Variants in UIMC1 observed in about 807,000 individuals in gnomAD.
The protein encoded by UIMC1 is ubiquitin interaction motif containing 1, also known as BRCA1-A complex subunit RAP80.
In UIMC1, 42 loss-of-function variants were observed where a neutral mutation model predicts 84.9. The ratio of observed to expected loss-of-function variants is 0.49; its 90% CI spans 0.39 to 0.64. The LOEUF is 0.64. UIMC1 is among the 30% of genes least tolerant of loss of function. UIMC1 has a pLI of 0.00. For missense variants in UIMC1, 825 were observed against 847.6 expected, an observed-to-expected ratio of 0.97 and a Z score of 0.33; for synonymous variants, 281 against 293.0, an observed-to-expected ratio of 0.96 and a Z score of 0.42.
chr5:176,955,886 C>A, intron 8 of UIMC1, 73 bp downstream of exon 8: 1 of 1,445,842 alleles, frequency 6.9e-7, no homozygotes, highest in South Asian at 1.2e-5. Flanking sequence ...TTTGAAGAGT[C>A]AGAGGAAAAT....
chr5:176,982,418 G>A (rs1771193475), intron 2 of UIMC1, 51 bp downstream of exon 2: 3 of 1,575,272 alleles, frequency 1.9e-6, no homozygotes, highest in African/African-American at 2.7e-5. Context: ...CATGGGTAAA[G>A]AAGCATAGTT....
At chr5:176,984,881 T>C (rs1311380427) in intron 1 of UIMC1, among the ~76,000 whole-genome samples, 1 of 152,210 alleles carries the variant, frequency 6.6e-6, no homozygotes, top group Admixed American at 6.6e-5. Context: ...GTTAAAAAGA[T>C]GCTTGAAGGC....
At chr5:177,015,878 T>A (rs10059386) in intron 1 of UIMC1, among the ~76,000 whole-genome samples, 14,913 of 152,050 alleles carry the variant, frequency 0.098, 1,531 homozygotes, top group African/African-American at 0.26. Context: ...GAGACCAGTT[T>A]GGCCAACATG....
intron 8 of UIMC1, among the ~76,000 whole-genome samples, chr5:176,953,072 C>T (rs527702019): frequency 2.2e-4 from 33 of 152,104 alleles, no homozygotes; most frequent in Non-Finnish European, 4.0e-4. Context: ...TATAAGGGAC[C>T]CCAGAGAGCT....
chr5:177,021,646 A>C (rs1276167344), intron 1 of UIMC1, among the ~76,000 whole-genome samples: 2 of 151,942 alleles, frequency 1.3e-5, no homozygotes, highest in Non-Finnish European at 2.9e-5. Context: ...TGGTCGAAGT[A>C]AGGACTTTGG....
At chr5:176,978,456 A>G (rs1193838898) in intron 2 of UIMC1, among the ~76,000 whole-genome samples, 1 of 152,172 alleles carries the variant, frequency 6.6e-6, no homozygotes, top group African/African-American at 2.4e-5. Context: ...TAAAACAAAT[A>G]ATTCCTATAC....
At chr5:176,936,062 T>C (rs954584305) in intron 10 of UIMC1, among the ~76,000 whole-genome samples, 2 of 152,232 alleles carry the variant, frequency 1.3e-5, no homozygotes, top group African/African-American at 4.8e-5. Flanking sequence ...ATGCTTTGCC[T>C]TTCTTCTTTT....
chr5:176,972,571 A>G (rs1241940161), intron 3 of UIMC1, among the ~76,000 whole-genome samples: 2 of 151,876 alleles, frequency 1.3e-5, no homozygotes, highest in East Asian at 3.9e-4. Flanking sequence ...CCTCATCTCT[A>G]CTAAAAATAC....
chr5:176,935,998 C>G (rs1254637777), intron 10 of UIMC1, among the ~76,000 whole-genome samples: 1 of 152,166 alleles, frequency 6.6e-6, no homozygotes, highest in Non-Finnish European at 1.5e-5. Context: ...TTCAGCTTCC[C>G]TAACTCTCCT....
At chr5:176,997,684 C>A (rs1353123557) in intron 1 of UIMC1, among the ~76,000 whole-genome samples, 21 of 102,914 alleles carry the variant, frequency 2.0e-4, no homozygotes, top group Admixed American at 3.4e-4. Context: ...GACTCTGTCT[C>A]AAAAAAAAAA....
At chr5:176,980,364 C>T (rs1770836348) in intron 2 of UIMC1, 2 of 152,146 alleles carry the variant, frequency 1.3e-5, no homozygotes, top group Admixed American at 6.6e-5. Context: ...ATCCGCCTAT[C>T]CTATTGGTTC....
Position 176,995,012 on chromosome 5 carries a change from G to A in UIMC1, c.-9+11638C>T, listed in dbSNP as rs141793299. Among the ~76,000 whole-genome samples the A allele has an allele frequency of 2.4e-4, 37 of 152,226 alleles. No individual in the cohort carries two copies. The East Asian group carries it at 6.0e-3, about 25-fold the overall frequency. On this transcript the variant is annotated intron_variant, in intron 1 of 14. Transcript: ENST00000511320. ...TCTGGAGCTCATTCCTTTGGGCTCT[G>A]GCTTTTCAGATAGTGTTATCAAGGC...
In UIMC1 at chr5:176,905,404, T is replaced by C; in HGVS notation, c.2038A>G (p.Lys680Glu). ...TRRDLNESPV[K>E]SFVSISEATD... ...GCTTCTGAAATGGAAACAAAAGACT[T>C]GACGGGAGATTCATTTAAGTCACGA... The change falls in exon 15 of 15, where the codon AAG becomes GAG. Residue 680 changes from lysine to glutamate, a missense_variant. Lys to Glu is a moderately conservative substitution (Grantham distance 56, BLOSUM62 1). Transcript: ENST00000511320. 1 of 1,614,146 alleles carries C rather than the reference T, an allele frequency of 6.2e-7. No homozygotes were observed. Among genetic ancestry groups the C allele is most frequent in the Non-Finnish European group, 8.5e-7 (1 of 1,180,002 alleles).
intron 3 of UIMC1, among the ~76,000 whole-genome samples, chr5:176,971,499 C>T (rs1324492045): frequency 6.6e-6 from 1 of 152,170 alleles, no homozygotes; most frequent in Non-Finnish European, 1.5e-5. Flanking sequence ...CTACTAGAGT[C>T]ATATCGAAAG....
At position 176,968,550 on chromosome 5, in the gene UIMC1, C is replaced by A; in HGVS notation, c.1200+5G>T. 1 of 1,600,786 alleles carries A rather than the reference C, an allele frequency of 6.2e-7. No individual in the cohort carries two copies. The highest frequency in any genetic ancestry group is 8.5e-7 in the Non-Finnish European group (1 of 1,174,606). The stretch of plus-strand genomic sequence containing the variant: ...ATCCTTAATTACAGCATCACTGACC[C>A]TTACCTGACCATGACTGGTTGTTGG... On this transcript the variant is annotated splice_donor_5th_base_variant and intron_variant, in intron 6 of 14. Coordinates refer to ENST00000511320, the MANE Select transcript of UIMC1 (RefSeq NM_001199298.2).
chr5:176,970,916 A>G (rs1358080934), intron 3 of UIMC1, 50 bp from the exon 4 acceptor site: 1 of 1,592,700 alleles, frequency 6.3e-7, no homozygotes, highest in East Asian at 2.2e-5. Context: ...AACACTGAAT[A>G]ATCATGGAGG....
chr5:176,907,325 G>A (rs543784783), intron 12 of UIMC1, 148 bp from the exon 13 acceptor site: 1 of 696,064 alleles, frequency 1.4e-6, no homozygotes, highest in African/African-American at 1.8e-5. Flanking sequence ...ATAAACGAGG[G>A]TTTCACAAGT....
chr5:176,936,657 A>G (rs993477428), intron 10 of UIMC1, among the ~76,000 whole-genome samples: 5 of 151,976 alleles, frequency 3.3e-5, no homozygotes, highest in Non-Finnish European at 7.4e-5. Context: ...ACTTACTCTA[A>G]TCCAGCCACA....
At chr5:176,959,918 C>G (rs966504533) in intron 6 of UIMC1, among the ~76,000 whole-genome samples, 1 of 152,114 alleles carries the variant, frequency 6.6e-6, no homozygotes, top group Non-Finnish European at 1.5e-5. Flanking sequence ...CTAATGCCAG[C>G]TACTCGGGAG....
Sources: allele counts gnomAD v4.1 joint callset (sites outside exome capture counted in the v4.1 genomes callset), GRCh38; gene constraint gnomAD v4.1.1; transcripts MANE v1.5; gene names NCBI Gene and HGNC (gene_info 2026-07-23, HGNC 2026-07-21).